Variants in RBFOX3 observed in about 807,000 individuals in gnomAD.
RBFOX3 encodes RNA binding protein fox-1 homolog 3.
A neutral mutation model predicts 48.7 loss-of-function variants in RBFOX3; 17 were observed. The ratio of observed to expected loss-of-function variants is 0.35; its 90% CI spans 0.24 to 0.52. The LOEUF (loss-of-function observed/expected upper bound fraction) is 0.52. Among genes scored for constraint, RBFOX3 ranks in the 20% least tolerant of loss-of-function variants. The pLI, the probability that RBFOX3 is intolerant of heterozygous loss-of-function variation, is 0.94. For synonymous variants in RBFOX3, 212 were observed against 209.5 expected (o/e 1.01, Z -0.10); for missense variants, 382 against 497.5 (o/e 0.77, Z 2.21).
intron 3 of RBFOX3, among the ~76,000 whole-genome samples, chr17:79,296,851 C>T (rs2074442003): frequency 7.6e-6 from 1 of 130,768 alleles, no homozygotes; most frequent in Non-Finnish European, 1.7e-5. Context: ...CCTCCCCCTC[C>T]TCCTGCTTCT....
At chr17:79,183,727 G>A (rs930243257) in intron 4 of RBFOX3, among the ~76,000 whole-genome samples, 1 of 152,122 alleles carries the variant, frequency 6.6e-6, no homozygotes, top group Admixed American at 6.5e-5. Flanking sequence ...GCGTGTGCGC[G>A]CGTGTGTAGC....
intron 3 of RBFOX3, among the ~76,000 whole-genome samples, chr17:79,262,898 C>A (rs1303246251): frequency 1.3e-5 from 2 of 152,390 alleles, no homozygotes; most frequent in Middle Eastern, 6.8e-3. Context: ...GCTCTGGTTG[C>A]CTTCTCCTTG....
chr17:79,359,732 C>A (rs971217658), intron 2 of RBFOX3, among the ~76,000 whole-genome samples: 1 of 100,446 alleles, frequency 1.0e-5, no homozygotes, highest in Non-Finnish European at 2.4e-5. Flanking sequence ...TAATTTGGGT[C>A]ATTTTTTTTT....
At chr17:79,655,390 A>G in the RBFOX3 span, among the ~76,000 whole-genome samples, 2 of 152,236 alleles carry the variant, frequency 1.3e-5, no homozygotes, top group Non-Finnish European at 2.9e-5. Context: ...ATAGGACTCA[A>G]TGAAGTAATG....
At chr17:79,180,051 T>C (rs575020913) in intron 4 of RBFOX3, among the ~76,000 whole-genome samples, 1 of 152,274 alleles carries the variant, frequency 6.6e-6, no homozygotes, top group African/African-American at 2.4e-5. Flanking sequence ...CAGAGCCCAA[T>C]GCACAGCTGG....
chr17:79,334,182 A>G (rs4790012), intron 2 of RBFOX3, among the ~76,000 whole-genome samples: 143,386 of 152,216 alleles, frequency 0.94, 68,149 homozygotes, highest in South Asian at 1. Context: ...CACCTCCTAA[A>G]TCACAATCTT....
chr17:79,532,850 C>T (rs2088043014), intron 1 of RBFOX3, among the ~76,000 whole-genome samples: 1 of 152,220 alleles, frequency 6.6e-6, no homozygotes, highest in South Asian at 2.1e-4. Context: ...TGCACGCATG[C>T]ACGCCGCCTG....
intron 4 of RBFOX3, among the ~76,000 whole-genome samples, chr17:79,200,260 T>A (rs2056538424): frequency 6.6e-6 from 1 of 151,150 alleles, no homozygotes; most frequent in African/African-American, 2.4e-5. Context: ...AGTGTACAGA[T>A]CATCAGCAAG....
intron 2 of RBFOX3, among the ~76,000 whole-genome samples, chr17:79,389,982 CCG>C (rs1368654653): frequency 1.8e-3 from 14 of 7,770 alleles, no homozygotes; most frequent in East Asian, 6.8e-3. Flanking sequence ...CTCCGGGTCT[CCG>C]CAGCCTCCAG....
At chr17:79,319,691 G>A (rs2078147472) in intron 2 of RBFOX3, among the ~76,000 whole-genome samples, 1 of 152,082 alleles carries the variant, frequency 6.6e-6, no homozygotes. Flanking sequence ...TATCTGGGCT[G>A]CTGGTCTTGT....
At chr17:79,656,813 A>G in the RBFOX3 span, among the ~76,000 whole-genome samples, 1 of 73,534 alleles carries the variant, frequency 1.4e-5, no homozygotes, top group African/African-American at 5.8e-5. Flanking sequence ...AAAGAAAAGA[A>G]AGAGAAAGAA....
intron 4 of RBFOX3, among the ~76,000 whole-genome samples, chr17:79,180,766 C>G (rs758562033): frequency 7.2e-5 from 11 of 152,210 alleles, no homozygotes; most frequent in Non-Finnish European, 1.3e-4. Context: ...TAGACCTTTC[C>G]GGAGTCCACC....
chr17:79,115,525 G>A lies in RBFOX3; in HGVS notation c.191C>T (p.Thr64Ile). The A allele has an allele frequency of 7.4e-7, 1 of 1,347,732 alleles. No individual in the cohort carries two copies. The highest frequency in any genetic ancestry group is 2.0e-5 in the South Asian group (1 of 48,892). The allele number at this position is 1,347,732 out of a possible 1,614,324, so 83.5% of individuals were successfully genotyped here. The change falls in exon 5 of 15, where the codon ACA (threonine) becomes ATA (isoleucine). Residue 64 changes from threonine (T) to isoleucine (I), a missense_variant. Thr to Ile is a moderately conservative substitution (Grantham distance 89). Coordinates refer to ENST00000693108, the MANE Select transcript of RBFOX3 (RefSeq NM_001350451.2). Reference sequence around the variant, plus strand: ...TGTCTGGGTCCCGGCGATGGGCTGTGTGCTGGCCTCGGAGCCTGGCTGCTC... The same window carrying A: ...TGTCTGGGTCCCGGCGATGGGCTGTATGCTGGCCTCGGAGCCTGGCTGCTC... ...HPEQPGSEAS[T>I]QPIAGTQTVP...
chr17:79,281,894 G>A (rs2070629778), intron 3 of RBFOX3, among the ~76,000 whole-genome samples: 1 of 152,166 alleles, frequency 6.6e-6, no homozygotes, highest in South Asian at 2.1e-4. Context: ...CCATCATCGG[G>A]GAAACGAACA....
chr17:79,374,640 C>T (rs1163121485), intron 2 of RBFOX3, among the ~76,000 whole-genome samples: 3 of 152,234 alleles, frequency 2.0e-5, no homozygotes, highest in South Asian at 2.1e-4. Flanking sequence ...CATGTGTACA[C>T]GCTTGAGGCT....
At chr17:79,217,764 G>A (rs1364515232) in intron 4 of RBFOX3, among the ~76,000 whole-genome samples, 1 of 152,124 alleles carries the variant, frequency 6.6e-6, no homozygotes, top group South Asian at 2.1e-4. Context: ...AGCCAGTTAT[G>A]GGGGTGGGGT....
At chr17:79,256,516 C>T (rs1028580041) in intron 3 of RBFOX3, among the ~76,000 whole-genome samples, 1 of 152,224 alleles carries the variant, frequency 6.6e-6, no homozygotes, top group African/African-American at 2.4e-5. Context: ...GCTCCATTTA[C>T]TCCAACCTGC....
intron 2 of RBFOX3, among the ~76,000 whole-genome samples, chr17:79,366,756 C>T (rs1474134225): frequency 6.6e-6 from 1 of 152,220 alleles, no homozygotes; most frequent in Non-Finnish European, 1.5e-5. Context: ...ACTGGCAGGA[C>T]TGGGGCACAG....
chr17:79,391,096 A>G lies in RBFOX3; in HGVS notation c.-174-83272T>C, dbSNP rs1194829206. Among the ~76,000 whole-genome samples the G allele has an allele frequency of 1.3e-5, 2 of 152,180 alleles. No individual in the cohort carries two copies. The highest frequency in any genetic ancestry group is 4.8e-5 in the African/African-American group (2 of 41,442). ...TCGCACCTCGGGTCTGGTGGCCTGT[A>G]ACCCCTGCCAGCCAGGCTCCCTGAT... On this transcript the variant is annotated intron_variant, in intron 2 of 14. Coordinates refer to ENST00000693108, the MANE Select transcript of RBFOX3 (RefSeq NM_001350451.2). The surrounding 1 kb of genome is among the most constrained non-coding windows in gnomAD (Gnocchi z 5.0).
Sources: allele counts gnomAD v4.1 joint callset (sites outside exome capture counted in the v4.1 genomes callset), GRCh38; gene constraint gnomAD v4.1.1; non-coding constraint Gnocchi (gnomAD v3.1); transcripts MANE v1.5; gene names NCBI Gene and HGNC (gene_info 2026-07-23, HGNC 2026-07-21).